Variants in GNB1 observed in about 807,000 individuals in gnomAD.
GNB1 encodes the protein guanine nucleotide-binding protein G(I)/G(S)/G(T) subunit beta-1.
GNB1 carries 2 observed loss-of-function variants against 42.9 expected under a neutral mutation model. The observed-to-expected ratio is 0.05, with a 90% CI of 0.02 to 0.15. The LOEUF (loss-of-function observed/expected upper bound fraction) is 0.15. GNB1 is among the 10% of genes least tolerant of loss of function. The pLI is 1.00. For synonymous variants in GNB1, 183 were observed against 174.7 expected (o/e 1.05, Z -0.38); for missense variants, 193 against 462.2 (o/e 0.42, Z 5.34).
At chr1:1,879,131 C>T (rs1484850818) in intron 1 of GNB1, among the ~76,000 whole-genome samples, 1 of 152,182 alleles carries the variant, frequency 6.6e-6, no homozygotes. Context: ...CAGTACTGCA[C>T]ATGGGGGCAG....
At position 1,787,557 on chromosome 1, in the gene GNB1, C is replaced by T. The variant is rs1280802199; in HGVS notation, c.917-120G>A. 8 of 601,866 alleles carry T rather than the reference C, an allele frequency of 1.3e-5. No individual in the cohort carries two copies. Among genetic ancestry groups the T allele is most frequent in the Non-Finnish European group, 5.8e-6 (2 of 343,602 alleles). The allele number at this position is 601,866 out of a possible 1,614,324, so 37.3% of individuals were successfully genotyped here. ...ATGGGACAAGACCCAGAGTCTCCCA[C>T]GGCCAGGAAGGGAGGGAAAGTTGCA... On this transcript the variant is annotated intron_variant, in intron 10 of 11. Coordinates refer to ENST00000378609, the MANE Select transcript of GNB1 (RefSeq NM_002074.5). This position sits in a 1 kb window ranked among gnomAD's most constrained non-coding sequence, Gnocchi z 4.4.
chr1:1,854,031 G>A (rs1238257532), intron 1 of GNB1, among the ~76,000 whole-genome samples: 1 of 152,168 alleles, frequency 6.6e-6, no homozygotes, highest in African/African-American at 2.4e-5. Flanking sequence ...TCATGTGCCA[G>A]GCACCACAGC....
At chr1:1,871,058 C>T (rs1649219608) in intron 1 of GNB1, among the ~76,000 whole-genome samples, 2 of 152,186 alleles carry the variant, frequency 1.3e-5, no homozygotes, top group African/African-American at 2.4e-5. Flanking sequence ...CAGGTGGTCT[C>T]CTCTTCCATC....
At chr1:1,865,130 C>T (rs769439728) in intron 1 of GNB1, among the ~76,000 whole-genome samples, 1 of 151,044 alleles carries the variant, frequency 6.6e-6, no homozygotes, top group Non-Finnish European at 1.5e-5. Context: ...GGCGTGGTGG[C>T]GGGCACCTGA....
At chr1:1,887,232 A>T (rs982700623) in intron 1 of GNB1, among the ~76,000 whole-genome samples, 1 of 150,414 alleles carries the variant, frequency 6.6e-6, no homozygotes, top group Non-Finnish European at 1.5e-5. Flanking sequence ...GGCAGAGAAA[A>T]ACAACGACAA....
At chr1:1,853,350 C>T (rs1374488456) in intron 1 of GNB1, among the ~76,000 whole-genome samples, 1 of 152,212 alleles carries the variant, frequency 6.6e-6, no homozygotes, top group Non-Finnish European at 1.5e-5. Flanking sequence ...CTCTTACTGA[C>T]TGTATTCCCA....
chr1:1,832,188 T>C (rs972273359), intron 2 of GNB1: 2 of 152,238 alleles, frequency 1.3e-5, no homozygotes, highest in African/African-American at 4.8e-5. Context: ...GCAGCTTCCT[T>C]TGAAAATTAA....
At chr1:1,834,386 T>TTTTTTTTTTTTTTTTTTTTTTTTG (rs1647116574) in intron 2 of GNB1, among the ~76,000 whole-genome samples, 1 of 152,196 alleles carries the variant, frequency 6.6e-6, no homozygotes, top group African/African-American at 2.4e-5. Context: ...CTCCCTTTTC[T>TTTTTTTTTTTTTTTTTTTTTTTTG]AACCCTGTTA....
intron 8 of GNB1, among the ~76,000 whole-genome samples, chr1:1,792,722 T>C (rs1423915650): frequency 2.2e-5 from 3 of 136,938 alleles, no homozygotes; most frequent in Non-Finnish European, 4.7e-5. Flanking sequence ...AAGAAAAAAA[T>C]GTGTATTTTA....
intron 2 of GNB1, among the ~76,000 whole-genome samples, chr1:1,835,720 G>A (rs1647137453): frequency 6.6e-6 from 1 of 151,936 alleles, no homozygotes; most frequent in South Asian, 2.1e-4. Flanking sequence ...CACTTCTCTT[G>A]GGCAGATTCC....
Position 1,825,405 on chromosome 1 carries a change from G to T in GNB1, c.49C>A (p.Gln17Lys), listed in dbSNP as rs1440427117. The change falls in exon 3 of 12, where the codon CAG becomes AAG. Residue 17 changes from glutamine (Q) to lysine (K), a missense_variant. Physicochemically the swap from Gln to Lys is moderately conservative, Grantham distance 53 (BLOSUM62 1). Coordinates refer to ENST00000378609, the MANE Select transcript of GNB1 (RefSeq NM_002074.5). ...CACACACAACTACATACTCGAATCTGGTTCTTAAGTTGCTCGGCCTCCTGC... is the reference window on the plus strand; with the variant it reads ...CACACACAACTACATACTCGAATCTTGTTCTTAAGTTGCTCGGCCTCCTGC... ...LRQEAEQLKN[Q>K]IRDARKACAD... is the part of the protein sequence containing the mutation. 6.2e-7 allele frequency: 1 copy of T among 1,610,482 alleles called. No homozygotes were observed. The highest frequency in any genetic ancestry group is 1.7e-5 in the Admixed American group (1 of 60,014).
intron 1 of GNB1, among the ~76,000 whole-genome samples, chr1:1,885,732 G>A (rs1417540236): frequency 1.3e-5 from 2 of 150,222 alleles, no homozygotes; most frequent in East Asian, 2.1e-4. Context: ...AATTTTTTTG[G>A]TATTTTTAGT....
At chr1:1,874,024 A>G (rs1232421203) in intron 1 of GNB1, among the ~76,000 whole-genome samples, 1 of 152,152 alleles carries the variant, frequency 6.6e-6, no homozygotes, top group Non-Finnish European at 1.5e-5. Flanking sequence ...GGCATTCTTT[A>G]TGTCTTCTCA....
chr1:1,860,864 T>C (rs1286991183), intron 1 of GNB1, among the ~76,000 whole-genome samples: 3 of 151,752 alleles, frequency 2.0e-5, no homozygotes, highest in Non-Finnish European at 4.4e-5. Context: ...AACTGACACT[T>C]TGGGAGGCCG....
At chr1:1,825,198 G>A in intron 3 of GNB1, 199 bp downstream of exon 3, 1 of 572,370 alleles carries the variant, frequency 1.7e-6, no homozygotes, top group East Asian at 2.8e-5. Context: ...ATAACAAATT[G>A]TATACAGAAA....
At chr1:1,829,702 A>T (rs2101040074) in intron 2 of GNB1, among the ~76,000 whole-genome samples, 1 of 152,298 alleles carries the variant, frequency 6.6e-6, no homozygotes, top group African/African-American at 2.4e-5. Context: ...TTTTGTGTGT[A>T]CAAGAAGGAC....
At chr1:1,889,111 A>G (rs1650321173) in intron 1 of GNB1, among the ~76,000 whole-genome samples, 1 of 152,192 alleles carries the variant, frequency 6.6e-6, no homozygotes, top group Non-Finnish European at 1.5e-5. Flanking sequence ...AAAGACTATC[A>G]CTTCAGATTA....
intron 5 of GNB1, among the ~76,000 whole-genome samples, chr1:1,813,036 A>C (rs1646803846): frequency 6.6e-6 from 1 of 152,306 alleles, no homozygotes; most frequent in South Asian, 2.1e-4. Flanking sequence ...TAACCTGCCT[A>C]ATCTGCACAT....
intron 1 of GNB1, among the ~76,000 whole-genome samples, chr1:1,889,598 G>GC (rs1443474041): frequency 1.3e-5 from 2 of 149,192 alleles, no homozygotes; most frequent in East Asian, 4.0e-4. Flanking sequence ...GATCGCTTGA[G>GC]CCCCAGAGTT....
Sources: gnomAD v4.1 joint callset for allele counts (sites outside exome capture counted in the v4.1 genomes callset) on GRCh38, gnomAD v4.1.1 for gene constraint, Gnocchi (gnomAD v3.1) non-coding constraint, MANE v1.5 for transcripts, NCBI Gene and HGNC (gene_info 2026-07-23, HGNC 2026-07-21) for gene names.